Variants in NUAK1 observed in about 807,000 individuals in gnomAD.
NUAK1 encodes the protein NUAK family SNF1-like kinase 1.
In NUAK1, 26 loss-of-function variants were observed where a neutral mutation model predicts 56.9. The ratio of observed to expected loss-of-function variants is 0.46; its 90% CI spans 0.33 to 0.63. The LOEUF (loss-of-function observed/expected upper bound fraction) is 0.63. Ranked by LOEUF, NUAK1 falls within the 30% of genes least tolerant of loss-of-function variation. The pLI is 0.02. For synonymous variants in NUAK1, 337 were observed against 336.0 expected, an observed-to-expected ratio of 1.00 and a Z score of -0.03; for missense variants, 727 against 876.1, an observed-to-expected ratio of 0.83 and a Z score of 2.15.
intron 3 of NUAK1, among the ~76,000 whole-genome samples, chr12:106,085,656 T>G (rs1435338808): frequency 6.6e-6 from 1 of 152,240 alleles, no homozygotes; most frequent in East Asian, 1.9e-4. Flanking sequence ...CTGTGTACTT[T>G]ATGCCTTTTC....
Position 106,076,853 on chromosome 12 carries a change from G to C in NUAK1, c.580-4010C>G, listed in dbSNP as rs183238311. ...GAGGTTGCCAGTGGCTGGGAGGAGG[G>C]GGAAAGGGGAGTTACTATTCAGTGG... On this transcript the variant is annotated intron_variant, in intron 4 of 6. Transcript: ENST00000261402. Among the ~76,000 whole-genome samples, 190 of 152,320 alleles carry C rather than the reference G, an allele frequency of 1.2e-3. 1 individual carries two copies. The East Asian group carries it at 0.029, about 23-fold the overall frequency.
At chr12:106,103,773 C>G (rs934897190) in intron 2 of NUAK1, among the ~76,000 whole-genome samples, 5 of 152,152 alleles carry the variant, frequency 3.3e-5, no homozygotes, top group Admixed American at 6.5e-5. Flanking sequence ...GACAGTTACC[C>G]TCATGCTGTT....
At chr12:106,134,500 T>C (rs1035172749) in intron 1 of NUAK1, among the ~76,000 whole-genome samples, 1 of 152,092 alleles carries the variant, frequency 6.6e-6, no homozygotes, top group African/African-American at 2.4e-5. Context: ...TGCCCACCAG[T>C]CCTGCCACTC....
intron 6 of NUAK1, among the ~76,000 whole-genome samples, chr12:106,070,340 A>G (rs1049373549): frequency 2.6e-5 from 4 of 152,234 alleles, no homozygotes; most frequent in Admixed American, 2.6e-4. Context: ...ATAATGAGAC[A>G]GAACCCATGA....
intron 1 of NUAK1, among the ~76,000 whole-genome samples, chr12:106,123,081 C>A (rs1296222020): frequency 6.6e-6 from 1 of 152,210 alleles, no homozygotes; most frequent in Non-Finnish European, 1.5e-5. Context: ...TCATGCAAAG[C>A]AATGCTGATT....
intron 3 of NUAK1, among the ~76,000 whole-genome samples, chr12:106,084,412 T>C (rs2032551616): frequency 6.6e-6 from 1 of 152,202 alleles, no homozygotes; most frequent in Admixed American, 6.5e-5. Flanking sequence ...TCTGGCTCAA[T>C]CTATTCCGAC....
chr12:106,099,488 A>G (rs1047444063), intron 2 of NUAK1, among the ~76,000 whole-genome samples: 1 of 152,184 alleles, frequency 6.6e-6, no homozygotes, highest in African/African-American at 2.4e-5. Flanking sequence ...TCTACATATC[A>G]CAGGGTCAAG....
intron 1 of NUAK1, among the ~76,000 whole-genome samples, chr12:106,135,845 T>C (rs987074873): frequency 7.2e-5 from 11 of 152,238 alleles, no homozygotes; most frequent in Non-Finnish European, 2.9e-5. Flanking sequence ...TAGATGAAAA[T>C]GTCTTACTGC....
intron 3 of NUAK1, among the ~76,000 whole-genome samples, chr12:106,085,538 G>C (rs543545333): frequency 6.6e-6 from 1 of 152,198 alleles, no homozygotes; most frequent in African/African-American, 2.4e-5. Flanking sequence ...TATCCTCAAA[G>C]TAAATGACTG....
intron 2 of NUAK1, among the ~76,000 whole-genome samples, chr12:106,087,534 T>C (rs921360586): frequency 2.0e-5 from 3 of 152,144 alleles, no homozygotes; most frequent in Non-Finnish European, 4.4e-5. Context: ...TGGCACAGAG[T>C]AACATAGTAG....
At chr12:106,122,531 A>G (rs2032987906) in intron 1 of NUAK1, among the ~76,000 whole-genome samples, 5 of 152,216 alleles carry the variant, frequency 3.3e-5, no homozygotes, top group Admixed American at 3.3e-4. Flanking sequence ...GTTTGCCATT[A>G]TTATTACTCC....
chr12:106,125,651 A>G (rs1270578108), intron 1 of NUAK1, among the ~76,000 whole-genome samples: 2 of 152,194 alleles, frequency 1.3e-5, no homozygotes, highest in Non-Finnish European at 2.9e-5. Context: ...GGACCTTCCT[A>G]CACAACCAAA....
chr12:106,089,276 G>A (rs1459930054), intron 2 of NUAK1, among the ~76,000 whole-genome samples: 9 of 152,234 alleles, frequency 5.9e-5, no homozygotes, highest in Admixed American at 5.9e-4. Context: ...ACGTCTTTAA[G>A]GGAGCCAAAG....
chr12:106,133,651 G>C (rs768909030), intron 1 of NUAK1, among the ~76,000 whole-genome samples: 3 of 152,200 alleles, frequency 2.0e-5, no homozygotes, highest in Non-Finnish European at 4.4e-5. Flanking sequence ...TGTCTCTAAA[G>C]CACTTAGCAC....
intron 4 of NUAK1, among the ~76,000 whole-genome samples, chr12:106,080,947 C>T (rs17038089): frequency 0.048 from 7,266 of 152,296 alleles, 254 homozygotes; most frequent in African/African-American, 0.094. Context: ...AGCATGGGTC[C>T]TTTCTAAATA....
chr12:106,106,558 GA>G, intron 1 of NUAK1, 33 bp from the exon 2 acceptor site: 1 of 1,587,560 alleles, frequency 6.3e-7, no homozygotes, highest in Non-Finnish European at 8.6e-7. Flanking sequence ...GTTATTCAGA[GA>G]GCTAAACAGA....
chr12:106,065,153 T>G lies in NUAK1; in HGVS notation c.*1649A>C, dbSNP rs1490364060. 1.3e-5 allele frequency: 2 copies of G among 152,242 alleles called. No individual in the cohort carries two copies. The highest frequency in any genetic ancestry group is 2.9e-5 in the Non-Finnish European group (2 of 68,054). The allele number at this position is 152,242 out of a possible 1,614,324, so 9.4% of individuals were successfully genotyped here. On this transcript the variant is annotated 3_prime_UTR_variant, in exon 7 of 7. Coordinates refer to ENST00000261402, the MANE Select transcript of NUAK1 (RefSeq NM_014840.3). ...TCTACCAGTGGTGGCCATCTTGAAC[T>G]GAGTTCAATTTGCCTTGGCCAGCAG...
chr12:106,098,004 C>A (rs1191415612), intron 2 of NUAK1, among the ~76,000 whole-genome samples: 1 of 152,216 alleles, frequency 6.6e-6, no homozygotes. Context: ...AGCCCCACTG[C>A]CCCTGGCCAC....
intron 3 of NUAK1, 130 bp downstream of exon 3, chr12:106,086,604 T>C: frequency 1.1e-6 from 1 of 879,162 alleles, no homozygotes; most frequent in South Asian, 5.2e-5. Flanking sequence ...ATGGTAATTT[T>C]CTTCTTTCTA....
Sources: gnomAD v4.1 joint callset for allele counts (sites outside exome capture counted in the v4.1 genomes callset) on GRCh38, gnomAD v4.1.1 for gene constraint, MANE v1.5 for transcripts, NCBI Gene and HGNC (gene_info 2026-07-23, HGNC 2026-07-21) for gene names.